Variants in TMEM223 observed in about 807,000 individuals in gnomAD.
TMEM223 encodes the protein transmembrane protein 223.
In TMEM223, 14 loss-of-function variants were observed where a neutral mutation model predicts 14.1. The observed-to-expected ratio is 0.99, with a 90% CI of 0.66 to 1.55. The LOEUF is 1.55. TMEM223 is among the 40% of genes most tolerant of loss of function. The pLI, the probability that TMEM223 is intolerant of heterozygous loss-of-function variation, is 0.00. For synonymous variants in TMEM223, 145 were observed against 120.5 expected, an observed-to-expected ratio of 1.20 and a Z score of -1.33; for missense variants, 346 against 269.9, an observed-to-expected ratio of 1.28 and a Z score of -1.97.
downstream of TMEM223, among the ~76,000 whole-genome samples, chr11:62,784,137 G>C (rs1388453101): frequency 2.1e-5 from 3 of 141,748 alleles, no homozygotes; most frequent in African/African-American, 7.8e-5. Flanking sequence ...TTACAGGCAC[G>C]CACCACCAGG....
At chr11:62,786,764 C>T (rs748865135), downstream of TMEM223, 19 of 1,612,766 alleles carry the variant, frequency 1.2e-5, no homozygotes, top group Middle Eastern at 1.6e-4. Context: ...GAGCTCTACG[C>T]CTTCTTCGGT....
At chr11:62,789,232 C>G, downstream of TMEM223, 4 of 1,613,822 alleles carry the variant, frequency 2.5e-6, no homozygotes, top group Non-Finnish European at 3.4e-6. Flanking sequence ...ACCCTGAGGG[C>G]CAGGGGCTGA....
chr11:62,787,247 C>T (rs1476948185), downstream of TMEM223: 1 of 1,568,544 alleles, frequency 6.4e-7, no homozygotes, highest in Non-Finnish European at 8.6e-7. Flanking sequence ...ACCAGCCGCC[C>T]CGCCCGCCGG....
intron 1 of TMEM223, chr11:62,778,799 G>C (rs2084205640): frequency 1.5e-6 from 2 of 1,294,650 alleles, no homozygotes; most frequent in East Asian, 2.3e-5. Context: ...GGTTGAGGGG[G>C]AGGAGGCTGG....
At chr11:62,787,480 G>A (rs753977198), downstream of TMEM223, 4 of 1,578,288 alleles carry the variant, frequency 2.5e-6, no homozygotes, top group East Asian at 6.9e-5. Flanking sequence ...CTTTGCTGCC[G>A]CCTTCCTGTG....
At chr11:62,778,533 A>C in intron 1 of TMEM223, 1 of 655,792 alleles carries the variant, frequency 1.5e-6, no homozygotes, top group Non-Finnish European at 2.7e-6. Context: ...AACTAGTCAT[A>C]ATGCAGCATG....
rs1224586863 is a variant in TMEM223, at chr11:62,782,463, C to G, written c.315-7798G>C. 6 of 1,106,756 alleles carry G rather than the reference C, an allele frequency of 5.4e-6. No homozygotes were observed. In the South Asian group the frequency reaches 6.1e-5, roughly 11 times the overall value. The allele number at this position is 1,106,756 out of a possible 1,614,324, so 68.6% of individuals were successfully genotyped here. On this transcript the variant is annotated intron_variant, in intron 1 of 2. Coordinates refer to the TMEM223 transcript ENST00000528367. ...GGGGAACCTTTTCCCTAGGAGCGTC[C>G]TAGCTGGTGTGCTGTGACACACTGG...
chr11:62,782,619 C>T (rs2084238758), downstream of TMEM223: 1 of 1,577,740 alleles, frequency 6.3e-7, no homozygotes, highest in South Asian at 1.2e-5. Context: ...ATGCTATTCT[C>T]TTTGTGTTGT....
At chr11:62,775,961 A>C (rs746056463) in intron 1 of TMEM223, 3 of 1,574,208 alleles carry the variant, frequency 1.9e-6, no homozygotes, top group Admixed American at 1.9e-5. Context: ...GATACCTCCA[A>C]CTTTCCTTGT....
downstream of TMEM223, among the ~76,000 whole-genome samples, chr11:62,784,216 T>C (rs1726367162): frequency 6.7e-6 from 1 of 148,786 alleles, no homozygotes; most frequent in Non-Finnish European, 1.5e-5. Flanking sequence ...TCTCAATCTC[T>C]GGACCTCGTG....
At chr11:62,785,381 C>CG (rs534914871), downstream of TMEM223, among the ~76,000 whole-genome samples, 152 of 150,676 alleles carry the variant, frequency 1.0e-3, no homozygotes, top group African/African-American at 3.5e-3. Flanking sequence ...TTAGTAGAGA[C>CG]GGGGTTTCAC....
At chr11:62,787,001 C>G (rs1245876095), downstream of TMEM223, 1 of 1,482,520 alleles carries the variant, frequency 6.7e-7, no homozygotes, top group African/African-American at 1.5e-5. Context: ...AGGCCCTTGC[C>G]GCGCGTGCAT....
At chr11:62,790,973 C>A in intron 1 of TMEM223, 58 bp from the exon 2 acceptor site, 1 of 1,445,008 alleles carries the variant, frequency 6.9e-7, no homozygotes, top group Non-Finnish European at 9.2e-7. Flanking sequence ...AAGTACCGAC[C>A]TTTCCAGTGC....
At chr11:62,787,730 G>A (rs958500336), downstream of TMEM223, 14 of 705,674 alleles carry the variant, frequency 2.0e-5, no homozygotes, top group Non-Finnish European at 3.1e-5. Context: ...CTTCGAAGTT[G>A]TCCCCTCGCC....
At chr11:62,784,727 T>C (rs1212372317), downstream of TMEM223, among the ~76,000 whole-genome samples, 2 of 152,236 alleles carry the variant, frequency 1.3e-5, no homozygotes, top group Non-Finnish European at 2.9e-5. Context: ...GATTTCCTGA[T>C]AGTAAACAAT....
chr11:62,772,746 C>T (rs920732239), intron 2 of TMEM223, among the ~76,000 whole-genome samples: 8 of 148,526 alleles, frequency 5.4e-5, no homozygotes, highest in Admixed American at 1.3e-4. Context: ...TTTAGTGAGC[C>T]GAGATCAAGC....
downstream of TMEM223, chr11:62,787,550 GGTA>G: frequency 6.5e-7 from 1 of 1,527,124 alleles, no homozygotes; most frequent in East Asian, 2.4e-5. Context: ...GGCGGGGTCA[GGTA>G]GGCGGGGGAG....
At chr11:62,787,578 C>T, downstream of TMEM223, 1 of 1,469,018 alleles carries the variant, frequency 6.8e-7, no homozygotes, top group Non-Finnish European at 9.0e-7. Flanking sequence ...CCGGTCTGGA[C>T]ATGGCGAGGC....
chr11:62,775,855 G>A (rs370316644), intron 1 of TMEM223: 62 of 1,613,792 alleles, frequency 3.8e-5, no homozygotes, highest in Middle Eastern at 1.7e-4. Flanking sequence ...CGGAGAGCAC[G>A]GGCCTGGAGC....
Sources: gnomAD v4.1 joint callset for allele counts (sites outside exome capture counted in the v4.1 genomes callset) on GRCh38, gnomAD v4.1.1 for gene constraint, MANE v1.5 for transcripts, NCBI Gene and HGNC (gene_info 2026-07-23, HGNC 2026-07-21) for gene names.